Variants in DPP10 observed in about 807,000 individuals in gnomAD.
The protein encoded by DPP10 is dipeptidyl peptidase like 10.
DPP10 carries 33 observed loss-of-function variants against 120.9 expected under a neutral mutation model. The observed-to-expected ratio is 0.27, with a 90% CI of 0.21 to 0.37. The LOEUF is 0.37. DPP10 is among the 10% of genes least tolerant of loss of function. The pLI is 1.00. For synonymous variants in DPP10, 337 were observed against 326.1 expected (o/e 1.03, Z -0.36); for missense variants, 816 against 942.8 (o/e 0.87, Z 1.76).
rs887300878 is a variant in DPP10, at chr2:115,271,477, A to G, written c.61-37762A>G. On this transcript the variant is annotated intron_variant, in intron 1 of 25. Coordinates refer to ENST00000410059, the MANE Select transcript of DPP10 (RefSeq NM_020868.6). Reference sequence around the variant, plus strand: ...GGTTGTTGCATTTTTTTTCTTTACTATTGAACACTCTTTTGTTCATGCCTT... The same window carrying G: ...GGTTGTTGCATTTTTTTTCTTTACTGTTGAACACTCTTTTGTTCATGCCTT... 2.6e-5 allele frequency among the ~76,000 whole-genome samples: 4 copies of G among 152,262 alleles called. 1 individual carries two copies. The highest frequency in any genetic ancestry group is 9.6e-5 in the African/African-American group (4 of 41,558).
intron 24 of DPP10, among the ~76,000 whole-genome samples, chr2:115,838,442 T>C (rs1689755645): frequency 6.6e-6 from 1 of 152,172 alleles, no homozygotes; most frequent in South Asian, 2.1e-4. Context: ...AAATAAATAT[T>C]AGGAAATGAT....
chr2:115,032,571 C>T (rs1703911915), intron 1 of DPP10, among the ~76,000 whole-genome samples: 1 of 151,628 alleles, frequency 6.6e-6, no homozygotes, highest in South Asian at 2.1e-4. Flanking sequence ...AAAGCAAGTT[C>T]CATCTACACT....
At chr2:115,812,757 A>G (rs1379153614) in intron 19 of DPP10, among the ~76,000 whole-genome samples, 2 of 152,154 alleles carry the variant, frequency 1.3e-5, no homozygotes, top group African/African-American at 4.8e-5. Flanking sequence ...TGATTCATTA[A>G]TTTCTATGGC....
At chr2:115,388,326 C>T (rs539896368) in intron 3 of DPP10, among the ~76,000 whole-genome samples, 13 of 152,258 alleles carry the variant, frequency 8.5e-5, no homozygotes, top group Admixed American at 3.3e-4. Flanking sequence ...TTTTATTCTA[C>T]GCGTGCTGAG....
At chr2:115,284,390 TAGTA>T (rs2105891652) in intron 1 of DPP10, among the ~76,000 whole-genome samples, 1 of 152,152 alleles carries the variant, frequency 6.6e-6, no homozygotes, top group African/African-American at 2.4e-5. Context: ...TCAAAAGCCC[TAGTA>T]ATTTTTTGCT....
intron 1 of DPP10, among the ~76,000 whole-genome samples, chr2:114,856,516 A>C (rs1401876394): frequency 2.0e-5 from 3 of 152,242 alleles, no homozygotes; most frequent in Non-Finnish European, 2.9e-5. Flanking sequence ...GTTCATTAAC[A>C]TTATAAATAT....
At chr2:115,204,727 G>A (rs933547865) in intron 1 of DPP10, among the ~76,000 whole-genome samples, 5 of 152,186 alleles carry the variant, frequency 3.3e-5, no homozygotes, top group African/African-American at 1.2e-4. Context: ...CTGTCAGATA[G>A]TGACAGCTCC....
intron 5 of DPP10, among the ~76,000 whole-genome samples, chr2:115,570,631 G>A (rs1237989729): frequency 1.3e-5 from 2 of 152,040 alleles, no homozygotes; most frequent in Non-Finnish European, 2.9e-5. Context: ...AATGCTGTGT[G>A]GTGTTGTTAT....
chr2:115,210,362 A>T (rs1285634400), intron 1 of DPP10, among the ~76,000 whole-genome samples: 1 of 152,058 alleles, frequency 6.6e-6, no homozygotes, highest in Non-Finnish European at 1.5e-5. Flanking sequence ...ATCATTTTTT[A>T]TGGGTGCATA....
chr2:115,210,845 C>A (rs939219256), intron 1 of DPP10, among the ~76,000 whole-genome samples: 1 of 151,924 alleles, frequency 6.6e-6, no homozygotes, highest in Admixed American at 6.6e-5. Flanking sequence ...TCATATCCTT[C>A]GCCCACTTTT....
chr2:114,615,531 G>A (rs1693611325), intron 1 of DPP10, among the ~76,000 whole-genome samples: 1 of 152,086 alleles, frequency 6.6e-6, no homozygotes, highest in South Asian at 2.1e-4. Flanking sequence ...GTATTCAGTG[G>A]CAATTGCCCT....
chr2:115,227,989 G>A (rs1036190511), intron 1 of DPP10, among the ~76,000 whole-genome samples: 4 of 148,450 alleles, frequency 2.7e-5, no homozygotes, highest in East Asian at 2.0e-4. Flanking sequence ...TAGTGTGATC[G>A]TGGCTCTCTG....
intron 5 of DPP10, among the ~76,000 whole-genome samples, chr2:115,572,324 C>T (rs1386464496): frequency 1.3e-5 from 2 of 151,692 alleles, no homozygotes; most frequent in Non-Finnish European, 2.9e-5. Context: ...TCTGATGCAT[C>T]CTTTCCACTC....
chr2:115,319,583 G>A (rs1310220619), intron 2 of DPP10, among the ~76,000 whole-genome samples: 2 of 152,202 alleles, frequency 1.3e-5, no homozygotes, highest in East Asian at 3.9e-4. Context: ...GTCTGTTCAG[G>A]CATTTTATTT....
chr2:115,231,090 G>A (rs1202235598), intron 1 of DPP10, among the ~76,000 whole-genome samples: 1 of 151,894 alleles, frequency 6.6e-6, no homozygotes, highest in African/African-American at 2.4e-5. Flanking sequence ...CTTCCCTGGA[G>A]TTCCCTACTT....
At chr2:114,575,165 GTGAT>G (rs1238370148) in intron 1 of DPP10, among the ~76,000 whole-genome samples, 1 of 152,134 alleles carries the variant, frequency 6.6e-6, no homozygotes, top group Non-Finnish European at 1.5e-5. Context: ...ATCGGTAAGA[GTGAT>G]TGGTGTGCAA....
At chr2:115,694,686 T>A (rs901304980) in intron 7 of DPP10, among the ~76,000 whole-genome samples, 3 of 152,302 alleles carry the variant, frequency 2.0e-5, no homozygotes, top group Admixed American at 2.0e-4. Flanking sequence ...TAACAATTGC[T>A]ACAGTAGACA....
At chr2:114,965,921 G>A (rs1278876646) in intron 1 of DPP10, among the ~76,000 whole-genome samples, 3 of 120,760 alleles carry the variant, frequency 2.5e-5, no homozygotes, top group South Asian at 2.8e-4. Flanking sequence ...AGCCGAGATC[G>A]CCCCACTGCA....
intron 1 of DPP10, among the ~76,000 whole-genome samples, chr2:115,041,026 G>A (rs1156633292): frequency 6.6e-6 from 1 of 151,776 alleles, no homozygotes; most frequent in Non-Finnish European, 1.5e-5. Flanking sequence ...GGCTGAGGCA[G>A]GAGAATCACT....
Sources: allele counts gnomAD v4.1 joint callset (sites outside exome capture counted in the v4.1 genomes callset), GRCh38; gene constraint gnomAD v4.1.1; transcripts MANE v1.5; gene names NCBI Gene and HGNC (gene_info 2026-07-23, HGNC 2026-07-21).